TENM3: variants seen among roughly 807,000 people sequenced by gnomAD.
TENM3 encodes teneurin transmembrane protein 3.
A neutral mutation model predicts 255.1 loss-of-function variants in TENM3; 63 were observed. The observed-to-expected ratio is 0.25, with a 90% CI of 0.20 to 0.30. The LOEUF is 0.30. TENM3 is among the 10% of genes least tolerant of loss of function. The probability of loss-of-function intolerance (pLI) is 1.00; values close to 1 mark genes in which losing one functional copy is unlikely to be tolerated. For synonymous variants in TENM3, 1,306 were observed against 1,322.3 expected (o/e 0.99, Z 0.27); for missense variants, 2,929 against 3,461.1 (o/e 0.85, Z 3.86).
At chr4:182,113,628 A>G in the TENM3 span, among the ~76,000 whole-genome samples, 1 of 152,352 alleles carries the variant, frequency 6.6e-6, no homozygotes, top group African/African-American at 2.4e-5. Context: ...TAGTAAAGTT[A>G]GTCTGAAACA....
the TENM3 span, among the ~76,000 whole-genome samples, chr4:181,876,465 A>G: frequency 6.6e-6 from 1 of 152,176 alleles, no homozygotes; most frequent in African/African-American, 2.4e-5. Flanking sequence ...TGGGTGCTGT[A>G]ATACGTTTCC....
chr4:181,658,707 C>A, the TENM3 span, among the ~76,000 whole-genome samples: 1 of 152,204 alleles, frequency 6.6e-6, no homozygotes, highest in Non-Finnish European at 1.5e-5. Context: ...AGCACCTCAC[C>A]TTCATTGTGT....
At chr4:182,786,651 A>G (rs1024989807) in intron 24 of TENM3, among the ~76,000 whole-genome samples, 2 of 152,124 alleles carry the variant, frequency 1.3e-5, no homozygotes, top group African/African-American at 4.8e-5. Context: ...TCTGTGGTCC[A>G]GATTTCCCAT....
chr4:181,612,271 T>C, the TENM3 span, among the ~76,000 whole-genome samples: 1 of 152,198 alleles, frequency 6.6e-6, no homozygotes, highest in Non-Finnish European at 1.5e-5. Flanking sequence ...GTGTTAATAA[T>C]CATCTTTCCC....
intron 1 of TENM3, among the ~76,000 whole-genome samples, chr4:182,230,728 C>T (rs1283889112): frequency 2.7e-5 from 4 of 147,776 alleles, no homozygotes; most frequent in African/African-American, 1.0e-4. Flanking sequence ...TATTTCTGAG[C>T]TTTATTTTCT....
the TENM3 span, among the ~76,000 whole-genome samples, chr4:181,621,442 C>T: frequency 6.6e-6 from 1 of 152,036 alleles, no homozygotes; most frequent in South Asian, 2.1e-4. Flanking sequence ...TCATTTTTCC[C>T]ATATTTTAAT....
At chr4:181,657,492 G>T in the TENM3 span, among the ~76,000 whole-genome samples, 1 of 152,056 alleles carries the variant, frequency 6.6e-6, no homozygotes, top group Non-Finnish European at 1.5e-5. Flanking sequence ...CAGTCAGAAT[G>T]GCCATTATTA....
At chr4:181,978,977 G>GA in the TENM3 span, among the ~76,000 whole-genome samples, 93 of 129,376 alleles carry the variant, frequency 7.2e-4, 1 homozygote, top group Admixed American at 1.3e-3. Context: ...TTGCTTAAGT[G>GA]AAAAAAAAAA....
chr4:181,517,818 A>T, the TENM3 span, among the ~76,000 whole-genome samples: 2 of 152,018 alleles, frequency 1.3e-5, no homozygotes, highest in Non-Finnish European at 2.9e-5. Flanking sequence ...ATGCCCTTTC[A>T]TTTTGGTTTG....
At chr4:182,065,979 C>G in the TENM3 span, among the ~76,000 whole-genome samples, 1 of 152,156 alleles carries the variant, frequency 6.6e-6, no homozygotes, top group Admixed American at 6.5e-5. Context: ...CAAGTATATG[C>G]CTGAGTACCT....
chr4:181,924,326 T>G, the TENM3 span, among the ~76,000 whole-genome samples: 19 of 152,284 alleles, frequency 1.2e-4, no homozygotes, highest in Admixed American at 9.2e-4. Context: ...CTTTGAGTGT[T>G]GAAGTCCTTT....
the TENM3 span, among the ~76,000 whole-genome samples, chr4:181,561,055 C>T: frequency 2.0e-5 from 3 of 152,114 alleles, no homozygotes; most frequent in African/African-American, 4.8e-5. Flanking sequence ...TGGGTTCAAG[C>T]GATTCTCCTG....
Position 182,760,839 on chromosome 4 carries a change from G to A in TENM3, c.4892+5580G>A, listed in dbSNP as rs551653046. Among the ~76,000 whole-genome samples, 7 of 152,304 alleles carry A rather than the reference G, an allele frequency of 4.6e-5. No individual in the cohort carries two copies. In the South Asian group the frequency reaches 1.2e-3, roughly 27 times the overall value. On this transcript the variant is annotated intron_variant, in intron 22 of 27. Coordinates refer to ENST00000511685, the MANE Select transcript of TENM3 (RefSeq NM_001080477.4). Reference sequence around the variant, plus strand: ...TGACATCAGTTCTCATGCTGTAGGAGTGCCTCAGAGAAGGGATCCCCGAAG... The same window carrying A: ...TGACATCAGTTCTCATGCTGTAGGAATGCCTCAGAGAAGGGATCCCCGAAG...
At chr4:181,686,470 C>T in the TENM3 span, among the ~76,000 whole-genome samples, 7 of 151,994 alleles carry the variant, frequency 4.6e-5, 1 homozygote, top group African/African-American at 1.5e-4. Flanking sequence ...CTGTTTTTAA[C>T]ATAAAGGACG....
the TENM3 span, among the ~76,000 whole-genome samples, chr4:181,677,930 G>A: frequency 3.2e-4 from 49 of 152,000 alleles, no homozygotes; most frequent in African/African-American, 8.7e-4. Flanking sequence ...ATTTCCTTTC[G>A]CCAGAAAACA....
intron 3 of TENM3, among the ~76,000 whole-genome samples, chr4:182,414,692 C>CT (rs1214476671): frequency 6.6e-6 from 1 of 152,054 alleles, no homozygotes; most frequent in African/African-American, 2.4e-5. Flanking sequence ...TTGAACTAAT[C>CT]TAAGGAGATG....
intron 3 of TENM3, among the ~76,000 whole-genome samples, chr4:182,411,099 C>T (rs1031618523): frequency 5.3e-5 from 8 of 152,114 alleles, no homozygotes; most frequent in Non-Finnish European, 1.2e-4. Context: ...TGGTTGGATA[C>T]GTGGACTTAT....
chr4:181,505,715 G>A, the TENM3 span, among the ~76,000 whole-genome samples: 1 of 152,072 alleles, frequency 6.6e-6, no homozygotes, highest in Non-Finnish European at 1.5e-5. Context: ...ATGATCCAAA[G>A]ACAAAGATTT....
chr4:182,427,158 A>T (rs537386648), intron 3 of TENM3, among the ~76,000 whole-genome samples: 1 of 152,234 alleles, frequency 6.6e-6, no homozygotes, highest in Non-Finnish European at 1.5e-5. Flanking sequence ...TTGGGAAAAT[A>T]TTCAACTTTT....
Sources: allele counts gnomAD v4.1 joint callset (sites outside exome capture counted in the v4.1 genomes callset), GRCh38; gene constraint gnomAD v4.1.1; transcripts MANE v1.5; gene names NCBI Gene and HGNC (gene_info 2026-07-23, HGNC 2026-07-21).